The following TAFA2 variants were observed in gnomAD, a reference collection of about 807,000 sequenced individuals.
TAFA2 encodes the protein chemokine-like protein TAFA-2.
A neutral mutation model predicts 18.8 loss-of-function variants in TAFA2; 7 were observed. The ratio of observed to expected loss-of-function variants is 0.37; its 90% confidence interval spans 0.21 to 0.70. The LOEUF (loss-of-function observed/expected upper bound fraction) is 0.70, where lower values mean the gene tolerates loss of function less well. Ranked by LOEUF, TAFA2 falls within the 30% of genes least tolerant of loss-of-function variation. The pLI, the probability that TAFA2 is intolerant of heterozygous loss-of-function variation, is 0.53. For synonymous variants in TAFA2, 60 were observed against 54.2 expected, an observed-to-expected ratio of 1.11 and a Z score of -0.47; for missense variants, 122 against 158.1, an observed-to-expected ratio of 0.77 and a Z score of 1.23.
intron 4 of TAFA2, among the ~76,000 whole-genome samples, chr12:61,717,989 G>C (rs1203193782): frequency 6.6e-6 from 1 of 152,126 alleles, no homozygotes; most frequent in Non-Finnish European, 1.5e-5. Flanking sequence ...TTCTAAATGG[G>C]ATAAAATGTC....
chr12:61,894,152 T>C (rs1220573518), intron 1 of TAFA2, among the ~76,000 whole-genome samples: 1 of 152,232 alleles, frequency 6.6e-6, no homozygotes, highest in Non-Finnish European at 1.5e-5. Flanking sequence ...AGTTTCCCTA[T>C]ATGAACCCTT....
chr12:61,937,594 G>T (rs1166457006), intron 1 of TAFA2, among the ~76,000 whole-genome samples: 1 of 152,148 alleles, frequency 6.6e-6, no homozygotes, highest in African/African-American at 2.4e-5. Flanking sequence ...TGGGAAAATG[G>T]ATAGCCACAT....
At chr12:62,143,353 CA>C (rs1247277799) in intron 1 of TAFA2, among the ~76,000 whole-genome samples, 2 of 152,124 alleles carry the variant, frequency 1.3e-5, no homozygotes, top group African/African-American at 2.4e-5. Flanking sequence ...GGGAAAGAAC[CA>C]GGTATCATTA....
intron 1 of TAFA2, among the ~76,000 whole-genome samples, chr12:62,037,837 G>T (rs1881651032): frequency 6.6e-6 from 1 of 152,124 alleles, no homozygotes; most frequent in Admixed American, 6.5e-5. Context: ...TGATTTAACA[G>T]TCTCCCCTAA....
chr12:62,196,677 A>C (rs1256623763), upstream of TAFA2, among the ~76,000 whole-genome samples: 1 of 152,130 alleles, frequency 6.6e-6, no homozygotes, highest in East Asian at 1.9e-4. Context: ...GACAATTATA[A>C]TAGTAACATC....
intron 4 of TAFA2, among the ~76,000 whole-genome samples, chr12:61,711,296 G>C (rs762324449): frequency 6.6e-6 from 1 of 151,526 alleles, no homozygotes; most frequent in Admixed American, 6.6e-5. Flanking sequence ...TTTTGAGAGA[G>C]AGAGAGGATA....
chr12:61,926,689 A>C (rs1877308695), intron 1 of TAFA2, among the ~76,000 whole-genome samples: 1 of 152,224 alleles, frequency 6.6e-6, no homozygotes, highest in Admixed American at 6.5e-5. Context: ...TATTGATGGA[A>C]TGTATCTGAA....
chr12:62,104,779 G>C (rs772120979), intron 1 of TAFA2: 176 of 450,756 alleles, frequency 3.9e-4, no homozygotes, highest in Non-Finnish European at 1.7e-4. Flanking sequence ...TAAGCTAACT[G>C]GCTTTCTCTA....
intron 1 of TAFA2, among the ~76,000 whole-genome samples, chr12:62,051,583 A>G (rs556515289): frequency 2.6e-5 from 4 of 152,030 alleles, no homozygotes; most frequent in Non-Finnish European, 4.4e-5. Context: ...TCATTACACA[A>G]ACACTTCAAT....
intron 1 of TAFA2, among the ~76,000 whole-genome samples, chr12:61,872,836 G>C (rs1874676222): frequency 6.7e-6 from 1 of 150,208 alleles, no homozygotes; most frequent in Non-Finnish European, 1.5e-5. Context: ...CTGCCCTCCA[G>C]AGTCCAGAGA....
chr12:62,065,403 A>G (rs1269470486), intron 1 of TAFA2, among the ~76,000 whole-genome samples: 1 of 152,026 alleles, frequency 6.6e-6, no homozygotes, highest in East Asian at 1.9e-4. Flanking sequence ...CTGTGAATAA[A>G]CAATGACGGA....
At chr12:62,182,446 A>G (rs2062558701) in intron 1 of TAFA2, among the ~76,000 whole-genome samples, 2 of 152,330 alleles carry the variant, frequency 1.3e-5, no homozygotes, top group South Asian at 4.1e-4. Context: ...TGTGCAGAAT[A>G]AAATTTAGTG....
At chr12:62,214,131 AT>A (rs2062724408) in intron 1 of TAFA2, among the ~76,000 whole-genome samples, 1 of 152,208 alleles carries the variant, frequency 6.6e-6, no homozygotes, top group Non-Finnish European at 1.5e-5. Flanking sequence ...TTATTTAGGA[AT>A]TTAACTGCCA....
At chr12:62,172,847 T>G (rs1289494000) in intron 1 of TAFA2, among the ~76,000 whole-genome samples, 2 of 152,224 alleles carry the variant, frequency 1.3e-5, no homozygotes, top group East Asian at 3.8e-4. Context: ...ACTGAAGCAA[T>G]GCTTTGCCTT....
chr12:62,226,717 T>C (rs2062788604), intron 1 of TAFA2, among the ~76,000 whole-genome samples: 1 of 152,226 alleles, frequency 6.6e-6, no homozygotes, highest in Non-Finnish European at 1.5e-5. Context: ...AATTAATGAC[T>C]CTACTATTCA....
At chr12:61,931,699 G>T (rs1392252342) in intron 1 of TAFA2, among the ~76,000 whole-genome samples, 1 of 152,110 alleles carries the variant, frequency 6.6e-6, no homozygotes, top group Non-Finnish European at 1.5e-5. Context: ...ATCCCTGGTG[G>T]TCATTGCCAT....
At chr12:62,063,715 TAG>T (rs1164090426) in intron 1 of TAFA2, among the ~76,000 whole-genome samples, 1 of 152,200 alleles carries the variant, frequency 6.6e-6, no homozygotes, top group Non-Finnish European at 1.5e-5. Context: ...TTATGGTTAA[TAG>T]AGACATACAA....
intron 1 of TAFA2, chr12:62,235,093 T>C: frequency 1.6e-6 from 1 of 625,562 alleles, no homozygotes; most frequent in Non-Finnish European, 3.1e-6. Flanking sequence ...CTGGCCACCT[T>C]TGGAGTACTG....
chr12:61,725,452 AT>A (rs1392961163), intron 4 of TAFA2, among the ~76,000 whole-genome samples: 2 of 151,872 alleles, frequency 1.3e-5, no homozygotes, highest in African/African-American at 2.4e-5. Flanking sequence ...TCTTGGGTTG[AT>A]TTTTTTATAA....
Sources: allele counts gnomAD v4.1 joint callset (sites outside exome capture counted in the v4.1 genomes callset), GRCh38; gene constraint gnomAD v4.1.1; transcripts MANE v1.5; gene names NCBI Gene and HGNC (gene_info 2026-07-23, HGNC 2026-07-21).